The following MAP4K4 variants were observed in gnomAD, a reference collection of about 807,000 sequenced individuals.
MAP4K4 encodes mitogen-activated protein kinase kinase kinase kinase 4, also known as HPK/GCK-like kinase HGK.
Under a neutral mutation model 189.6 loss-of-function variants are expected in MAP4K4, and 38 were observed. That is an observed-to-expected ratio of 0.20 (90% CI 0.15 to 0.26). MAP4K4 has a LOEUF of 0.26. Among genes scored for constraint, MAP4K4 ranks in the 10% least tolerant of loss-of-function variants. MAP4K4 has a pLI of 1.00. For synonymous variants in MAP4K4, 610 were observed against 624.3 expected (o/e 0.98, Z 0.34); for missense variants, 1,054 against 1,726.9 (o/e 0.61, Z 6.91).
exon 33 of MAP4K4, chr2:101,893,005 T>C (rs571579025): frequency 8.8e-6 from 4 of 456,352 alleles, no homozygotes; most frequent in Non-Finnish European, 1.8e-5. Context: ...CTTTTTCCTT[T>C]GTGGTTAATT....
intron 4 of MAP4K4, among the ~76,000 whole-genome samples, chr2:101,824,658 T>G (rs372134563): frequency 9.8e-5 from 15 of 152,336 alleles, no homozygotes; most frequent in African/African-American, 3.6e-4. Flanking sequence ...TGTATCAGTA[T>G]TTTTAAAAGG....
chr2:101,832,225 T>C (rs1410703140), intron 7 of MAP4K4, among the ~76,000 whole-genome samples: 1 of 152,238 alleles, frequency 6.6e-6, no homozygotes, highest in East Asian at 1.9e-4. Flanking sequence ...GAGTGAAATT[T>C]TATATTCTTG....
chr2:101,698,368 A>G (rs1332155571), intron 1 of MAP4K4, 105 bp from the exon 2 acceptor site: 2 of 1,117,892 alleles, frequency 1.8e-6, no homozygotes, highest in Non-Finnish European at 2.7e-6. Context: ...CGCGGGGCGA[A>G]GCCCACCTCT....
intron 2 of MAP4K4, among the ~76,000 whole-genome samples, chr2:101,721,553 G>A (rs1196273125): frequency 6.6e-6 from 1 of 151,102 alleles, no homozygotes. Flanking sequence ...CTCCTGCCTC[G>A]GCTTCCTGAG....
At chr2:101,827,951 G>A (rs2096437441) in intron 5 of MAP4K4, among the ~76,000 whole-genome samples, 1 of 152,180 alleles carries the variant, frequency 6.6e-6, no homozygotes, top group Non-Finnish European at 1.5e-5. Context: ...TGCTAAGGAA[G>A]GATAATTGTG....
intron 2 of MAP4K4, among the ~76,000 whole-genome samples, chr2:101,704,581 T>A (rs1340896171): frequency 1.3e-4 from 13 of 96,910 alleles, no homozygotes; most frequent in Non-Finnish European, 2.1e-4. Flanking sequence ...TTTTTTTTTT[T>A]TTTTTTTTTG....
intron 2 of MAP4K4, among the ~76,000 whole-genome samples, chr2:101,760,528 ATATGTG>A (rs2075865642): frequency 9.2e-6 from 1 of 108,522 alleles, no homozygotes; most frequent in African/African-American, 4.6e-5. Context: ...ATATATGTAT[ATATGTG>A]TGTGTGTGTG....
intron 3 of MAP4K4, among the ~76,000 whole-genome samples, chr2:101,800,411 A>T (rs908706751): frequency 3.3e-5 from 5 of 152,234 alleles, no homozygotes; most frequent in Non-Finnish European, 5.9e-5. Flanking sequence ...AGGCAGTTTT[A>T]AAGGAGAATT....
intron 12 of MAP4K4, among the ~76,000 whole-genome samples, chr2:101,853,304 G>A (rs1236228103): frequency 2.0e-5 from 3 of 152,218 alleles, no homozygotes; most frequent in Admixed American, 6.5e-5. Flanking sequence ...TATAGAGACA[G>A]TGGGGGAACA....
chr2:101,725,162 ATTTGC>A (rs1200541359), intron 2 of MAP4K4, among the ~76,000 whole-genome samples: 1 of 152,208 alleles, frequency 6.6e-6, no homozygotes, highest in African/African-American at 2.4e-5. Flanking sequence ...TTTTAAAAGT[ATTTGC>A]TTCTTACAAA....
At chr2:101,827,088 T>C (rs2096395918) in intron 5 of MAP4K4, among the ~76,000 whole-genome samples, 1 of 152,226 alleles carries the variant, frequency 6.6e-6, no homozygotes, top group African/African-American at 2.4e-5. Flanking sequence ...AAGCATTGTT[T>C]ACCTATCATA....
chr2:101,794,919 T>G (rs2148875869), intron 3 of MAP4K4, among the ~76,000 whole-genome samples: 1 of 152,346 alleles, frequency 6.6e-6, no homozygotes, highest in African/African-American at 2.4e-5. Flanking sequence ...TGTTATGCTT[T>G]AACTTGTTCC....
At chr2:101,811,072 G>A (rs2095389933) in intron 3 of MAP4K4, among the ~76,000 whole-genome samples, 1 of 152,082 alleles carries the variant, frequency 6.6e-6, no homozygotes, top group Non-Finnish European at 1.5e-5. Context: ...GTTAGTCTAG[G>A]CTCAAGAATG....
At chr2:101,840,993 T>C (rs2096901009) in intron 10 of MAP4K4, among the ~76,000 whole-genome samples, 1 of 152,230 alleles carries the variant, frequency 6.6e-6, no homozygotes, top group South Asian at 2.1e-4. Context: ...CTTAACTCAA[T>C]TGACATGGAA....
chr2:101,884,824 C>T (rs2098458786), intron 28 of MAP4K4, among the ~76,000 whole-genome samples: 1 of 152,158 alleles, frequency 6.6e-6, no homozygotes, highest in Non-Finnish European at 1.5e-5. Flanking sequence ...ACCTCGGTCT[C>T]TGTGTGTTTC....
At chr2:101,735,726 C>A (rs540750348) in intron 2 of MAP4K4, among the ~76,000 whole-genome samples, 1 of 152,206 alleles carries the variant, frequency 6.6e-6, no homozygotes, top group East Asian at 1.9e-4. Flanking sequence ...GGGTGGGTCC[C>A]ATGGAACAGA....
intron 2 of MAP4K4, among the ~76,000 whole-genome samples, chr2:101,731,732 C>T (rs1038320421): frequency 8.8e-5 from 12 of 137,052 alleles, no homozygotes; most frequent in South Asian, 2.3e-4. Flanking sequence ...GACTGGGTGA[C>T]AAAGGGAGAC....
At chr2:101,856,293 A>G (rs1202507364) in intron 13 of MAP4K4, among the ~76,000 whole-genome samples, 155 bp downstream of exon 13, 1 of 152,184 alleles carries the variant, frequency 6.6e-6, no homozygotes, top group African/African-American at 2.4e-5. Context: ...ACGTGGTGAA[A>G]CACAGTTGGA....
chr2:101,885,647 T>C (rs1401801754), intron 29 of MAP4K4, among the ~76,000 whole-genome samples: 2 of 152,236 alleles, frequency 1.3e-5, no homozygotes, highest in Non-Finnish European at 2.9e-5. Context: ...AAACTGTGTC[T>C]ATCGGGCAGT....
Sources: allele counts gnomAD v4.1 joint callset (sites outside exome capture counted in the v4.1 genomes callset), GRCh38; gene constraint gnomAD v4.1.1; transcripts MANE v1.5; gene names NCBI Gene and HGNC (gene_info 2026-07-23, HGNC 2026-07-21).